HEATR1: variants seen among roughly 807,000 people sequenced by gnomAD.
HEATR1 encodes the protein HEAT repeat containing 1, also known as HEAT repeat-containing protein 1.
Under a neutral mutation model 248.2 loss-of-function variants are expected in HEATR1, and 77 were observed. The ratio of observed to expected loss-of-function variants is 0.31; its 90% CI spans 0.26 to 0.37. HEATR1 has a LOEUF of 0.37. HEATR1 is among the 10% of genes least tolerant of loss of function. The pLI is 1.00. For missense variants in HEATR1, 2,420 were observed against 2,504.9 expected, an observed-to-expected ratio of 0.97 and a Z score of 0.72; for synonymous variants, 897 against 923.1, an observed-to-expected ratio of 0.97 and a Z score of 0.51.
chr1:236,603,446 AG>A, intron 2 of HEATR1, 70 bp from the exon 3 acceptor site: 1 of 1,216,636 alleles, frequency 8.2e-7, no homozygotes, highest in East Asian at 2.3e-5. Context: ...CCTCTTTTAC[AG>A]TTTTACTTAC....
chr1:236,587,910 C>G, intron 13 of HEATR1, 38 bp downstream of exon 13: 2 of 1,456,592 alleles, frequency 1.4e-6, no homozygotes, highest in Non-Finnish European at 1.9e-6. Context: ...AGGAAATTTA[C>G]AAAATTGTAT....
chr1:236,576,411 G>A lies in HEATR1; in HGVS notation c.2926-34C>T, dbSNP rs760175448. On this transcript the variant is annotated intron_variant, in intron 21 of 44. Transcript: ENST00000366582. ...CCAAAAAGAAAATTGGATAAAAAAG[G>A]GTTAAGAAACTACAAAGGCTAAATA... The A allele has an allele frequency of 3.7e-5, 55 of 1,481,050 alleles. No homozygotes were observed. The East Asian group carries it at 1.1e-3, about 31-fold the overall frequency. The allele number at this position is 1,481,050 out of a possible 1,614,324, so 91.7% of individuals were successfully genotyped here. A position where few individuals can be genotyped will look rare whatever the true frequency, so the allele number is the denominator to read the frequency against.
At chr1:236,591,663 T>G (rs886917474) in intron 11 of HEATR1, among the ~76,000 whole-genome samples, 2 of 152,134 alleles carry the variant, frequency 1.3e-5, no homozygotes, top group Non-Finnish European at 2.9e-5. Context: ...CTGGAAAGCA[T>G]AGACCTAGAT....
In HEATR1 at chr1:236,570,289, A is replaced by AAAAC. The variant is rs1051505835; in HGVS notation, c.3948+1058_3948+1061dup. On this transcript the variant is annotated intron_variant, in intron 28 of 44. Coordinates refer to ENST00000366582, the MANE Select transcript of HEATR1 (RefSeq NM_018072.6). ...CGGCAACAGAGCGAGACTCCGTCTC[A>AAAAC]AAACAAACAAACAAACAAACAAAAA... 3.5e-3 allele frequency among the ~76,000 whole-genome samples: 530 copies of AAAAC among 152,326 alleles called. 2 individuals are homozygous for AAAAC. Among genetic ancestry groups the AAAAC allele is most frequent in the African/African-American group, 0.012 (495 of 41,572 alleles).
chr1:236,577,308 G>A (rs143963310), intron 20 of HEATR1, among the ~76,000 whole-genome samples: 27 of 150,868 alleles, frequency 1.8e-4, no homozygotes, highest in Non-Finnish European at 3.2e-4. Flanking sequence ...CACGCCACAC[G>A]CCTGGCTAAT....
At chr1:236,601,563 G>A (rs998454569) in intron 3 of HEATR1, among the ~76,000 whole-genome samples, 1 of 152,128 alleles carries the variant, frequency 6.6e-6, no homozygotes, top group Non-Finnish European at 1.5e-5. Flanking sequence ...AGCACTTTGG[G>A]AGGCCGACTC....
chr1:236,587,675 A>G (rs1218399048), intron 13 of HEATR1, among the ~76,000 whole-genome samples, 185 bp from the exon 14 acceptor site: 2 of 152,156 alleles, frequency 1.3e-5, no homozygotes, highest in African/African-American at 2.4e-5. Context: ...ACAGGTCCCA[A>G]GGTATTTGCT....
chr1:236,576,811 T>G lies in HEATR1; in HGVS notation c.2894A>C (p.Glu965Ala). 6.2e-7 allele frequency: 1 copy of G among 1,613,748 alleles called. No homozygotes were observed. Among genetic ancestry groups the G allele is most frequent in the South Asian group, 1.1e-5 (1 of 90,946 alleles). ...AACATAGGCAGCATCTGAAGTGATCTCCTCTGCTTTAGAAATCAAATGATC... is the reference window on the plus strand; with the variant it reads ...AACATAGGCAGCATCTGAAGTGATCGCCTCTGCTTTAGAAATCAAATGATC... ...IIDHLISKAE[E>A]ITSDAAYVIQ... is the part of the protein sequence containing the mutation. Residue 965 changes from glutamate to alanine, a missense_variant, in exon 21 of 45, where the codon GAG becomes GCG. Glu to Ala is a moderately radical substitution (Grantham distance 107). Transcript: ENST00000366582.
intron 15 of HEATR1, 114 bp downstream of exon 15, chr1:236,586,127 A>T: frequency 8.2e-7 from 1 of 1,225,572 alleles, no homozygotes; most frequent in Non-Finnish European, 1.1e-6. Context: ...CTTGGCAAAA[A>T]TTTTAAAAGA....
intron 5 of HEATR1, 92 bp from the exon 6 acceptor site, chr1:236,597,068 T>A (rs2564737): frequency 2.0e-5 from 24 of 1,189,280 alleles, no homozygotes; most frequent in Non-Finnish European, 2.7e-5. Context: ...GAGATTTCAA[T>A]GAACTATGAT....
intron 36 of HEATR1, 57 bp from the exon 37 acceptor site, chr1:236,557,402 T>C: frequency 1.9e-6 from 3 of 1,586,582 alleles, no homozygotes; most frequent in Non-Finnish European, 1.7e-6. Context: ...GGCTAGGGAA[T>C]GGAGTAGAGG....
chr1:236,568,990 C>A lies in HEATR1; in HGVS notation c.4077+6G>T. ...GAAACCCCACGATGGTATAAAGAGA[C>A]CTTACCTGAATAAGTGCGGGAATAA... On this transcript the variant is annotated splice_donor_region_variant and intron_variant, in intron 29 of 44. Coordinates refer to ENST00000366582, the MANE Select transcript of HEATR1 (RefSeq NM_018072.6). 1.3e-6 allele frequency: 2 copies of A among 1,562,032 alleles called. No homozygotes were observed. Among genetic ancestry groups the A allele is most frequent in the African/African-American group, 1.4e-5 (1 of 71,876 alleles).
At chr1:236,551,122 A>AATTT in intron 44 of HEATR1, 132 bp from the exon 45 acceptor site, 1 of 728,792 alleles carries the variant, frequency 1.4e-6, no homozygotes, top group South Asian at 2.0e-5. Context: ...GAAGCACATT[A>AATTT]ACAAAGCAGG....
Position 236,599,542 on chromosome 1 carries a change from T to A in HEATR1, c.442A>T (p.Ile148Leu). Residue 148 changes from isoleucine to leucine, a missense_variant, in exon 4 of 45, where the codon ATA becomes TTA. Coordinates refer to ENST00000366582, the MANE Select transcript of HEATR1 (RefSeq NM_018072.6). ...GAATTATTAATTTTTAGAAGCTGTA[T>A]GACTCGCACAAATATTCTTGTCTCG... is the stretch of plus-strand genomic sequence containing the variant. ...YHETRIFVRV[I>L]QLLKINNSKH... The A allele has an allele frequency of 6.2e-7, 1 of 1,613,894 alleles. No homozygotes were observed. The highest frequency in any genetic ancestry group is 8.5e-7 in the Non-Finnish European group (1 of 1,179,842).
chr1:236,559,906 T>G, intron 33 of HEATR1, 69 bp from the exon 34 acceptor site: 2 of 1,439,336 alleles, frequency 1.4e-6, no homozygotes, highest in Non-Finnish European at 1.9e-6. Context: ...ATGTCTACCT[T>G]ATGCTAAATG....
intron 17 of HEATR1, among the ~76,000 whole-genome samples, chr1:236,584,723 C>T (rs1441444705): frequency 1.3e-5 from 2 of 152,156 alleles, no homozygotes; most frequent in Non-Finnish European, 2.9e-5. Context: ...AATTCTTCAT[C>T]GCTAGAGGTA....
rs1289629161 is a variant in HEATR1, at chr1:236,576,318, C to T, written c.2985G>A (p.Lys995=). ...QREKKLKSHQ[K]LSETLKNLLS... is the part of the protein sequence containing the mutation. ...GTAAGTTTTTCAAAGTTTCAGACAA[C>T]TTCTGATGAGATTTCAGTTTCTTTT... Residue 995 remains lysine, a synonymous_variant, in exon 22 of 45, where the codon AAG becomes AAA. Transcript: ENST00000366582. 25 of 1,611,882 alleles carry T rather than the reference C, an allele frequency of 1.6e-5. No homozygotes were observed. The highest frequency in any genetic ancestry group is 2.1e-5 in the Non-Finnish European group (25 of 1,179,136).
At chr1:236,562,268 ATCT>A (rs1017761969) in intron 32 of HEATR1, among the ~76,000 whole-genome samples, 3 of 152,248 alleles carry the variant, frequency 2.0e-5, no homozygotes, top group Non-Finnish European at 4.4e-5. Context: ...CAGAGCAATA[ATCT>A]TCTCTCAGCC....
rs931402270 is a variant in HEATR1, at chr1:236,577,393, C to T, written c.2756-444G>A. Among the ~76,000 whole-genome samples the T allele has an allele frequency of 4.6e-5, 7 of 152,200 alleles. No homozygotes were observed. The East Asian group carries it at 1.3e-3, about 29-fold the overall frequency. Reference sequence around the variant, plus strand: ...TTCGAACTCCTGACCTCAAGTGAGCCACCCACCTTGGCCTCCCAAAGTGCT... The same window carrying T: ...TTCGAACTCCTGACCTCAAGTGAGCTACCCACCTTGGCCTCCCAAAGTGCT... On this transcript the variant is annotated intron_variant, in intron 20 of 44. Transcript: ENST00000366582.
Sources: gnomAD v4.1 joint callset for allele counts (sites outside exome capture counted in the v4.1 genomes callset) on GRCh38, gnomAD v4.1.1 for gene constraint, MANE v1.5 for transcripts, NCBI Gene and HGNC (gene_info 2026-07-23, HGNC 2026-07-21) for gene names.